The following FAT1 variants were observed in gnomAD, a reference collection of about 807,000 sequenced individuals.
The protein encoded by FAT1 is FAT atypical cadherin 1.
In FAT1, 171 loss-of-function variants were observed where a neutral mutation model predicts 329.8. That is an observed-to-expected ratio of 0.52 (90% CI 0.46 to 0.59). The LOEUF is 0.59. FAT1 is among the 20% of genes least tolerant of loss of function. FAT1 has a pLI of 0.00. For synonymous variants in FAT1, 2,233 were observed against 2,228.6 expected (o/e 1.00, Z -0.06); for missense variants, 5,672 against 5,774.4 (o/e 0.98, Z 0.57).
chr4:186,692,632 G>C (rs746405889), intron 2 of FAT1, among the ~76,000 whole-genome samples: 2 of 152,184 alleles, frequency 1.3e-5, no homozygotes, highest in African/African-American at 4.8e-5. Flanking sequence ...AACTTAAGCA[G>C]AGATGTCAGA....
At chr4:186,656,778 A>T (rs753791379) in intron 3 of FAT1, among the ~76,000 whole-genome samples, 1 of 152,236 alleles carries the variant, frequency 6.6e-6, no homozygotes, top group Non-Finnish European at 1.5e-5. Flanking sequence ...GATTTAAAAT[A>T]AACCTAGAAA....
At chr4:186,688,472 T>C (rs1199441415) in intron 2 of FAT1, among the ~76,000 whole-genome samples, 1 of 152,158 alleles carries the variant, frequency 6.6e-6, no homozygotes, top group Non-Finnish European at 1.5e-5. Flanking sequence ...TGCAGTGAGA[T>C]GGCCCCTGGG....
At chr4:186,604,817 G>A (rs1258093102) in intron 17 of FAT1, among the ~76,000 whole-genome samples, 4 of 144,760 alleles carry the variant, frequency 2.8e-5, no homozygotes, top group Non-Finnish European at 6.1e-5. Context: ...GAAAGGGAGT[G>A]TGAGGAGGAA....
rs2126413700 is a variant in FAT1, at chr4:186,600,220, T to C, written c.11781A>G (p.Leu3927=). The change falls in exon 22 of 27, where the codon CTA becomes CTG. Residue 3927 remains leucine, a synonymous_variant. Coordinates refer to ENST00000441802, the MANE Select transcript of FAT1 (RefSeq NM_005245.4). The part of the protein sequence containing the change: ...EVNGNYARLV[L]DQVHTASGTA... ...TGCCCGATGCAGTATGAACTTGGTCTAGAACCAAGCGAGCATAGTTTCCAT... is the reference window on the plus strand; with the variant it reads ...TGCCCGATGCAGTATGAACTTGGTCCAGAACCAAGCGAGCATAGTTTCCAT... 6.2e-7 allele frequency: 1 copy of C among 1,614,068 alleles called. No individual in the cohort carries two copies. The highest frequency in any genetic ancestry group is 8.5e-7 in the Non-Finnish European group (1 of 1,179,890).
At position 186,619,175 on chromosome 4, in the gene FAT1, C is replaced by A. The variant is rs751436486; in HGVS notation, c.7411G>T (p.Val2471Phe). The A allele has an allele frequency of 4.3e-6, 7 of 1,613,876 alleles. No individual in the cohort carries two copies. The African/African-American group carries it at 9.3e-5, about 22-fold the overall frequency. Reference sequence around the variant, plus strand: ...TGAACCTGGGTGGAACTTCTAAAAACTCCATCAGACACTGACAGGTTAAGA... The same window carrying A: ...TGAACCTGGGTGGAACTTCTAAAAAATCCATCAGACACTGACAGGTTAAGA... ...YSLNLSVSDG[V>F]FRSSTQVHVT... The change falls in exon 10 of 27, where the codon GTT becomes TTT. Residue 2471 changes from valine (V) to phenylalanine (F), a missense_variant. Around this residue, in one of 2 missense-constraint regions of FAT1, gnomAD observed 3,966 missense variants for 3,915.2 expected, o/e 1.01. Transcript: ENST00000441802.
chr4:186,622,429 C>T (rs1740089917), intron 9 of FAT1, among the ~76,000 whole-genome samples: 1 of 152,192 alleles, frequency 6.6e-6, no homozygotes, highest in Non-Finnish European at 1.5e-5. Context: ...TTGGTTGTCA[C>T]TACTTGTCGG....
chr4:186,605,043 A>C (rs1473367729), intron 17 of FAT1, among the ~76,000 whole-genome samples: 1 of 151,656 alleles, frequency 6.6e-6, no homozygotes, highest in Non-Finnish European at 1.5e-5. Flanking sequence ...ACGTGGTGAA[A>C]CCCCGTCTCT....
At chr4:186,663,902 C>T (rs1205343246) in intron 2 of FAT1, among the ~76,000 whole-genome samples, 1 of 152,168 alleles carries the variant, frequency 6.6e-6, no homozygotes, top group Non-Finnish European at 1.5e-5. Context: ...AAATGGAGCA[C>T]TTTAAAAATA....
intron 3 of FAT1, among the ~76,000 whole-genome samples, chr4:186,652,713 G>A (rs1051992025): frequency 2.0e-5 from 3 of 151,954 alleles, no homozygotes; most frequent in African/African-American, 4.8e-5. Flanking sequence ...AAATGTTACC[G>A]GAAACCCCTG....
chr4:186,622,763 C>T (rs1230940461), intron 9 of FAT1, among the ~76,000 whole-genome samples: 1 of 152,150 alleles, frequency 6.6e-6, no homozygotes, highest in African/African-American at 2.4e-5. Context: ...AGGTTTAATC[C>T]ATCCACGAGC....
Position 186,596,552 on chromosome 4 carries a change from A to G in FAT1, c.12988T>C (p.Phe4330Leu). 1 of 1,612,506 alleles carries G rather than the reference A, an allele frequency of 6.2e-7. No individual in the cohort carries two copies. Among genetic ancestry groups the G allele is most frequent in the Non-Finnish European group, 8.5e-7 (1 of 1,179,458 alleles). ...SDSIQKPSWD[F>L]DYDTKVVDLD... Reference sequence around the variant, plus strand: ...AAGTGGCTCTTACTGTCATAGTCAAAGTCCCAGCTAGGCTTCTGGATGGAG... The same window carrying G: ...AAGTGGCTCTTACTGTCATAGTCAAGGTCCCAGCTAGGCTTCTGGATGGAG... The change falls in exon 25 of 27, where the codon TTT (phenylalanine) becomes CTT (leucine). Residue 4330 changes from phenylalanine to leucine, a missense_variant. Physicochemically the swap from Phe to Leu is conservative, Grantham distance 22 (BLOSUM62 0). This residue lies in a region of FAT1 where 1,706 missense variants were observed against 1,859.1 expected (regional missense o/e 0.92). Transcript: ENST00000441802. The surrounding 1 kb of genome is among the most constrained non-coding windows in gnomAD (Gnocchi z 4.7).
chr4:186,669,759 T>C (rs1472583856), intron 2 of FAT1, among the ~76,000 whole-genome samples: 5 of 152,192 alleles, frequency 3.3e-5, no homozygotes, highest in African/African-American at 9.7e-5. Flanking sequence ...AAAATTTCTG[T>C]ATGGAAGGAT....
In FAT1 at chr4:186,707,013, C is replaced by G. The variant is rs1339653408; in HGVS notation, c.2815G>C (p.Asp939His). 6.2e-7 allele frequency: 1 copy of G among 1,613,820 alleles called. No individual in the cohort carries two copies. Among genetic ancestry groups the G allele is most frequent in the Non-Finnish European group, 8.5e-7 (1 of 1,179,892 alleles). ...PPNYRVKVRE[D>H]LPEGTVIMWL... is the part of the protein sequence containing the mutation. ...ATGATGACGGTTCCTTCTGGAAGATCCTCTCGGACTTTCACACGATAATTA... is the reference window on the plus strand; with the variant it reads ...ATGATGACGGTTCCTTCTGGAAGATGCTCTCGGACTTTCACACGATAATTA... The change falls in exon 2 of 27, where the codon GAT becomes CAT. Residue 939 changes from aspartate to histidine, a missense_variant. Around this residue, in one of 2 missense-constraint regions of FAT1, gnomAD observed 3,966 missense variants for 3,915.2 expected, o/e 1.01. Coordinates refer to ENST00000441802, the MANE Select transcript of FAT1 (RefSeq NM_005245.4).
chr4:186,718,075 T>C (rs555969537), intron 1 of FAT1, among the ~76,000 whole-genome samples: 3 of 152,312 alleles, frequency 2.0e-5, no homozygotes, highest in Admixed American at 6.5e-5. Context: ...ATACGTTGAA[T>C]TGGGCTCCCT....
chr4:186,690,646 C>T (rs1452847212), intron 2 of FAT1, among the ~76,000 whole-genome samples: 1 of 151,850 alleles, frequency 6.6e-6, no homozygotes, highest in Non-Finnish European at 1.5e-5. Context: ...GCAGAGATCA[C>T]GCTACTGCAC....
intron 3 of FAT1, among the ~76,000 whole-genome samples, chr4:186,646,366 A>C (rs1264309200): frequency 6.6e-6 from 1 of 152,162 alleles, no homozygotes; most frequent in African/African-American, 2.4e-5. Context: ...ACAATAATTC[A>C]TGAACCACAG....
At chr4:186,613,020 G>T in intron 13 of FAT1, 89 bp downstream of exon 13, 1 of 786,206 alleles carries the variant, frequency 1.3e-6, no homozygotes, top group Non-Finnish European at 2.1e-6. Context: ...TGGAGTGAGT[G>T]GCACAGGCTG....
chr4:186,724,057 G>A (rs1281970276), upstream of FAT1, among the ~76,000 whole-genome samples: 4 of 151,894 alleles, frequency 2.6e-5, no homozygotes, highest in African/African-American at 9.6e-5. The surrounding 1 kb of genome is among the most constrained non-coding windows in gnomAD (Gnocchi z 5.3). Context: ...GCGCCCAGCG[G>A]GGTCTAGCGC....
At position 186,709,498 on chromosome 4, in the gene FAT1, T is replaced by C. The variant is rs2126704662; in HGVS notation, c.330A>G (p.Arg110=). The change falls in exon 2 of 27, where the codon AGA becomes AGG. Residue 110 remains arginine, a synonymous_variant. Transcript: ENST00000441802. ...TCAATGTGTAGTGATCCTTCACTTC[T>C]CTATTAAGAATAGCTGTATTTCCTC... ...TKGGNTAILN[R]EVKDHYTLIV... The C allele has an allele frequency of 1.2e-6, 2 of 1,614,032 alleles. No individual in the cohort carries two copies. Among genetic ancestry groups the C allele is most frequent in the Non-Finnish European group, 1.7e-6 (2 of 1,179,902 alleles).
Sources: allele counts gnomAD v4.1 joint callset (sites outside exome capture counted in the v4.1 genomes callset), GRCh38; gene constraint gnomAD v4.1.1; regional missense constraint gnomAD v4.1.1; non-coding constraint Gnocchi (gnomAD v3.1); transcripts MANE v1.5; gene names NCBI Gene and HGNC (gene_info 2026-07-23, HGNC 2026-07-21).